ATXN7: variants seen among roughly 807,000 people sequenced by gnomAD.
The protein encoded by ATXN7 is ataxin 7.
In ATXN7, 12 loss-of-function variants were observed where a neutral mutation model predicts 70.5. The ratio of observed to expected loss-of-function variants is 0.17; its 90% CI spans 0.11 to 0.28. ATXN7 has a LOEUF of 0.28. ATXN7 is among the 10% of genes least tolerant of loss of function. The pLI is 1.00. For synonymous variants in ATXN7, 498 were observed against 448.7 expected, an observed-to-expected ratio of 1.11 and a Z score of -1.39; for missense variants, 1,256 against 1,131.7, an observed-to-expected ratio of 1.11 and a Z score of -1.58.
At chr3:63,880,231 TATA>T (rs1490637930) in intron 1 of ATXN7, among the ~76,000 whole-genome samples, 1 of 152,208 alleles carries the variant, frequency 6.6e-6, no homozygotes, top group Non-Finnish European at 1.5e-5. Context: ...CACACTTACC[TATA>T]ATAATTGGTG....
chr3:63,921,477 A>G (rs1281894426), intron 4 of ATXN7, among the ~76,000 whole-genome samples: 3 of 152,260 alleles, frequency 2.0e-5, no homozygotes, highest in African/African-American at 7.2e-5. Flanking sequence ...GGAATAAAGG[A>G]CAGTCCTTTA....
At chr3:63,864,612 A>G (rs962740735) in intron 1 of ATXN7, 13 of 152,272 alleles carry the variant, frequency 8.5e-5, no homozygotes, top group African/African-American at 2.2e-4. Flanking sequence ...CGAAGCGACC[A>G]GGAGCGTGTT....
chr3:63,951,287 C>T (rs954993660), intron 4 of ATXN7, among the ~76,000 whole-genome samples: 8 of 152,028 alleles, frequency 5.3e-5, no homozygotes, highest in Non-Finnish European at 1.0e-4. Context: ...AGATTATCCT[C>T]ACTTGACATC....
chr3:63,999,273 G>A (rs957106932), intron 12 of ATXN7, 177 bp from the exon 13 acceptor site: 3 of 599,110 alleles, frequency 5.0e-6, no homozygotes, highest in Non-Finnish European at 9.0e-6. Context: ...CAGTAGTAGT[G>A]AAGGCATTTG....
At position 63,913,119 on chromosome 3, in the gene ATXN7, C is replaced by T. The variant is rs368793734; in HGVS notation, c.326-38C>T. On this transcript the variant is annotated intron_variant, in intron 3 of 12. Transcript: ENST00000674280. ...GTGCGTCACACTCCTGGCCACTGAC[C>T]TGCCTCTCCCCTCCTCCTGTGTGTG... 1.4e-5 allele frequency: 22 copies of T among 1,601,164 alleles called. No individual in the cohort carries two copies. The African/African-American group carries it at 2.3e-4, about 17-fold the overall frequency.
In ATXN7 at chr3:63,952,400, G is replaced by C; in HGVS notation, c.416G>C (p.Cys139Ser). 1 of 1,611,000 alleles carries C rather than the reference G, an allele frequency of 6.2e-7. No individual in the cohort carries two copies. Among genetic ancestry groups the C allele is most frequent in the South Asian group, 1.1e-5 (1 of 90,578 alleles). The change falls in exon 5 of 13, where the codon TGT becomes TCT. Residue 139 changes from cysteine to serine, a missense_variant. Transcript: ENST00000674280. ...CREDMPIFGF[C>S]PAHDDFYLVV... is the part of the protein sequence containing the mutation. Reference sequence around the variant, plus strand: ...GCAGACATGCCAATATTTGGTTTCTGTCCAGCCCATGATGATTTCTACTTG... The same window carrying C: ...GCAGACATGCCAATATTTGGTTTCTCTCCAGCCCATGATGATTTCTACTTG...
chr3:63,871,487 C>G (rs533564888), intron 1 of ATXN7, among the ~76,000 whole-genome samples: 2 of 152,038 alleles, frequency 1.3e-5, no homozygotes, highest in South Asian at 4.1e-4. Context: ...TTTAAAGAAA[C>G]AGTTGGTGAA....
chr3:63,949,116 C>T (rs2074912802), intron 4 of ATXN7, among the ~76,000 whole-genome samples: 5 of 152,088 alleles, frequency 3.3e-5, no homozygotes, highest in Admixed American at 2.6e-4. Flanking sequence ...TGAATTTATG[C>T]TTTAAAATAT....
At chr3:63,917,006 G>A (rs192125579) in intron 4 of ATXN7, among the ~76,000 whole-genome samples, 13 of 152,126 alleles carry the variant, frequency 8.5e-5, no homozygotes, top group East Asian at 3.9e-4. Flanking sequence ...TGCAACTTCC[G>A]CTTCCTGGGT....
At chr3:63,876,954 T>C (rs1286821891) in intron 1 of ATXN7, among the ~76,000 whole-genome samples, 4 of 152,192 alleles carry the variant, frequency 2.6e-5, no homozygotes, top group African/African-American at 9.7e-5. Context: ...ATAGTGAACT[T>C]TGACCTTGAA....
intron 5 of ATXN7, among the ~76,000 whole-genome samples, chr3:63,975,182 T>C (rs2075371898): frequency 6.6e-6 from 1 of 152,228 alleles, no homozygotes; most frequent in Admixed American, 6.5e-5. Context: ...GAACTGAAGA[T>C]ATTTAATTCA....
intron 1 of ATXN7, among the ~76,000 whole-genome samples, chr3:63,879,291 C>A (rs1702838007): frequency 6.6e-6 from 1 of 152,024 alleles, no homozygotes; most frequent in Non-Finnish European, 1.5e-5. Flanking sequence ...CACTGAAAGA[C>A]CTTCTGTTGG....
chr3:63,934,326 C>T (rs973090347), intron 4 of ATXN7, among the ~76,000 whole-genome samples: 3 of 152,090 alleles, frequency 2.0e-5, no homozygotes, highest in Non-Finnish European at 2.9e-5. Flanking sequence ...GAAGAAGATT[C>T]ACAGAGGGAA....
chr3:63,912,474 T>C, intron 2 of ATXN7, 114 bp from the exon 3 acceptor site: 1 of 616,832 alleles, frequency 1.6e-6, no homozygotes, highest in Non-Finnish European at 2.0e-6. Context: ...ATGGGGGCGC[T>C]GTCAGCGTGC....
At chr3:63,940,229 G>C (rs553838125) in intron 4 of ATXN7, among the ~76,000 whole-genome samples, 3 of 151,848 alleles carry the variant, frequency 2.0e-5, no homozygotes, top group African/African-American at 7.2e-5. Context: ...CAAGCAGGAA[G>C]TGAAGGCTAA....
chr3:63,878,364 G>C (rs771054592), intron 1 of ATXN7: 13 of 152,226 alleles, frequency 8.5e-5, no homozygotes, highest in Non-Finnish European at 1.3e-4. Flanking sequence ...AGAATTGTAA[G>C]CGTTGGCCCC....
At chr3:63,934,226 C>T (rs1448211760) in intron 4 of ATXN7, among the ~76,000 whole-genome samples, 1 of 152,208 alleles carries the variant, frequency 6.6e-6, no homozygotes, top group African/African-American at 2.4e-5. Context: ...TCTTCCACCT[C>T]CCACAGCCTA....
intron 4 of ATXN7, among the ~76,000 whole-genome samples, chr3:63,936,677 C>G (rs992307431): frequency 2.6e-5 from 4 of 152,168 alleles, no homozygotes; most frequent in African/African-American, 7.2e-5. Context: ...TTGACTTTCT[C>G]ACATATGGTT....
At chr3:63,997,283 C>T (rs1037855197) in intron 12 of ATXN7, among the ~76,000 whole-genome samples, 2 of 152,106 alleles carry the variant, frequency 1.3e-5, no homozygotes, top group Non-Finnish European at 2.9e-5. Context: ...ATTTTTCCCT[C>T]TCAAAAGAAT....
Sources: allele counts gnomAD v4.1 joint callset (sites outside exome capture counted in the v4.1 genomes callset), GRCh38; gene constraint gnomAD v4.1.1; transcripts MANE v1.5; gene names NCBI Gene and HGNC (gene_info 2026-07-23, HGNC 2026-07-21).